SNTG2: variants seen among roughly 807,000 people sequenced by gnomAD.
The protein encoded by SNTG2 is gamma-2-syntrophin.
Under a neutral mutation model 70.9 loss-of-function variants are expected in SNTG2, and 74 were observed. The observed-to-expected ratio is 1.04, with a 90% CI of 0.86 to 1.27. The LOEUF is 1.27. Among genes scored for constraint, SNTG2 ranks in the 50% most tolerant of loss-of-function variants. The pLI, the probability that SNTG2 is intolerant of heterozygous loss-of-function variation, is 0.00. For missense variants in SNTG2, 717 were observed against 690.7 expected, an observed-to-expected ratio of 1.04 and a Z score of -0.43; for synonymous variants, 278 against 273.8, an observed-to-expected ratio of 1.02 and a Z score of -0.15.
chr2:1,155,142 A>G (rs955992101), intron 6 of SNTG2, among the ~76,000 whole-genome samples: 2 of 133,164 alleles, frequency 1.5e-5, no homozygotes, highest in Non-Finnish European at 3.0e-5. Context: ...AAACACACAG[A>G]CACACTCCAT....
At chr2:1,132,537 G>A (rs1159773545) in intron 4 of SNTG2, among the ~76,000 whole-genome samples, 1 of 151,946 alleles carries the variant, frequency 6.6e-6, no homozygotes, top group Non-Finnish European at 1.5e-5. Flanking sequence ...TTGATTATGT[G>A]TCAAAAGATC....
intron 9 of SNTG2, among the ~76,000 whole-genome samples, chr2:1,215,120 A>G (rs1201997296): frequency 1.3e-5 from 2 of 152,160 alleles, no homozygotes; most frequent in Non-Finnish European, 1.5e-5. Context: ...TTAATGTGCT[A>G]TTGAATTCAG....
chr2:988,726 G>A (rs1661405599), intron 1 of SNTG2, among the ~76,000 whole-genome samples: 1 of 148,338 alleles, frequency 6.7e-6, no homozygotes, highest in Admixed American at 6.7e-5. Flanking sequence ...GCAATTTTAT[G>A]GGATTTTTTT....
chr2:1,146,889 G>T (rs1669139843), intron 6 of SNTG2, among the ~76,000 whole-genome samples: 1 of 152,168 alleles, frequency 6.6e-6, no homozygotes, highest in Admixed American at 6.5e-5. Flanking sequence ...GGGACCAGCT[G>T]CAGAAATGAG....
chr2:1,229,599 C>T (rs772049266), intron 9 of SNTG2, among the ~76,000 whole-genome samples: 1 of 152,226 alleles, frequency 6.6e-6, no homozygotes, highest in Non-Finnish European at 1.5e-5. Flanking sequence ...CGTGCGCTCG[C>T]ATTCCTCAGC....
At chr2:1,081,081 C>A (rs1037636817) in intron 1 of SNTG2, among the ~76,000 whole-genome samples, 1 of 152,112 alleles carries the variant, frequency 6.6e-6, no homozygotes, top group East Asian at 2.0e-4. Context: ...TTCTCTTTTA[C>A]GGCAAACAGG....
chr2:1,083,385 C>A, intron 1 of SNTG2, 133 bp from the exon 2 acceptor site: 2 of 769,876 alleles, frequency 2.6e-6, no homozygotes, highest in Non-Finnish European at 4.2e-6. Context: ...ATCGGTTGAG[C>A]ACAGATCTGT....
chr2:952,742 A>T (rs933597982), intron 1 of SNTG2, among the ~76,000 whole-genome samples: 1 of 152,210 alleles, frequency 6.6e-6, no homozygotes, highest in African/African-American at 2.4e-5. Context: ...TGCAGTCATA[A>T]GTAATTAGGT....
chr2:1,244,126 A>G lies in SNTG2; in HGVS notation c.889-3201A>G, dbSNP rs1295544417. 4.7e-5 allele frequency among the ~76,000 whole-genome samples: 7 copies of G among 150,140 alleles called. No individual in the cohort carries two copies. The East Asian group carries it at 1.2e-3, about 25-fold the overall frequency. ...GAAAAACATCACTTTAAATCTCTCT[A>G]CCCCGTATGAATCTAATTAGGCTGT... On this transcript the variant is annotated intron_variant, in intron 11 of 16. Transcript: ENST00000308624.
intron 1 of SNTG2, among the ~76,000 whole-genome samples, chr2:977,801 G>A (rs951433613): frequency 2.6e-5 from 4 of 151,794 alleles, no homozygotes; most frequent in African/African-American, 7.3e-5. Flanking sequence ...CCTCATTTCC[G>A]CCCTCCACAA....
At chr2:984,763 G>A (rs1382746836) in intron 1 of SNTG2, among the ~76,000 whole-genome samples, 1 of 152,214 alleles carries the variant, frequency 6.6e-6, no homozygotes, top group African/African-American at 2.4e-5. Flanking sequence ...GGGAAGACGA[G>A]GGTAACAGAC....
At chr2:1,239,632 C>A in intron 10 of SNTG2, 106 bp from the exon 11 acceptor site, 6 of 1,162,714 alleles carry the variant, frequency 5.2e-6, no homozygotes, top group Non-Finnish European at 7.5e-6. Flanking sequence ...ATTAAAGAGG[C>A]CTGTTTCCCA....
intron 1 of SNTG2, among the ~76,000 whole-genome samples, chr2:960,842 C>T (rs968556121): frequency 1.0e-4 from 15 of 149,152 alleles, no homozygotes; most frequent in African/African-American, 3.0e-4. Context: ...TGAGGGTTCC[C>T]GGGCATGGCT....
chr2:1,243,458 TCTC>T (rs1262732658), intron 11 of SNTG2, among the ~76,000 whole-genome samples: 6 of 152,234 alleles, frequency 3.9e-5, no homozygotes, highest in African/African-American at 1.4e-4. Context: ...TTGATCAAGT[TCTC>T]CTCCAAAAAG....
chr2:1,156,307 T>TG (rs1036920786), intron 6 of SNTG2, among the ~76,000 whole-genome samples: 3 of 151,704 alleles, frequency 2.0e-5, no homozygotes, highest in African/African-American at 7.3e-5. Flanking sequence ...GCTCTTTTGT[T>TG]GGGGGGGATG....
chr2:1,177,500 A>AG (rs1396053214), intron 8 of SNTG2, among the ~76,000 whole-genome samples: 1 of 151,938 alleles, frequency 6.6e-6, no homozygotes, highest in East Asian at 1.9e-4. Flanking sequence ...AAATTAAAAA[A>AG]AAAAAACTTT....
chr2:1,255,565 A>C (rs1028467256), intron 12 of SNTG2, among the ~76,000 whole-genome samples: 2 of 151,776 alleles, frequency 1.3e-5, no homozygotes, highest in Non-Finnish European at 1.5e-5. Context: ...AAAAGTCAAG[A>C]TCTCTGAGCC....
rs1184395263 is a variant in SNTG2 at position 1,367,430 on chromosome 2, A to C, written c.1576A>C (p.Met526Leu). 2 of 1,551,630 alleles carry C rather than the reference A, an allele frequency of 1.3e-6. No homozygotes were observed. Among genetic ancestry groups the C allele is most frequent in the Non-Finnish European group, 8.7e-7 (1 of 1,147,016 alleles). The part of the protein sequence containing the change: ...AKVASVDPGF[M>L]DSQSLARKYM... ...GGTGGCCTCCGTGGACCCCGGCTTC[A>C]TGGACAGTCAGAGTCTTGCCAGAAA... Residue 526 changes from methionine (M) to leucine (L), a missense_variant, in exon 17 of 17, where the codon ATG becomes CTG. Met to Leu is a conservative substitution (Grantham distance 15). Transcript: ENST00000308624.
intron 13 of SNTG2, among the ~76,000 whole-genome samples, chr2:1,260,329 A>G (rs9798383): frequency 0.093 from 14,216 of 152,274 alleles, 725 homozygotes; most frequent in South Asian, 0.15. Flanking sequence ...AACATGTACA[A>G]GGGAAATACA....
Sources: allele counts gnomAD v4.1 joint callset (sites outside exome capture counted in the v4.1 genomes callset), GRCh38; gene constraint gnomAD v4.1.1; transcripts MANE v1.5; gene names NCBI Gene and HGNC (gene_info 2026-07-23, HGNC 2026-07-21).